The following ETFA variants were observed in gnomAD, a reference collection of about 807,000 sequenced individuals.
The protein encoded by ETFA is electron transfer flavoprotein subunit alpha, mitochondrial.
In ETFA, 22 loss-of-function variants were observed where a neutral mutation model predicts 46.2. The ratio of observed to expected loss-of-function variants is 0.48; its 90% CI spans 0.34 to 0.68. The LOEUF is 0.68. ETFA is among the 30% of genes least tolerant of loss of function. The pLI, the probability that ETFA is intolerant of heterozygous loss-of-function variation, is 0.01. For missense variants in ETFA, 345 were observed against 401.1 expected (o/e 0.86, Z 1.19); for synonymous variants, 131 against 139.9 (o/e 0.94, Z 0.45).
At chr15:76,308,593 C>A (rs941321738) in intron 1 of ETFA, among the ~76,000 whole-genome samples, 7 of 152,056 alleles carry the variant, frequency 4.6e-5, no homozygotes, top group African/African-American at 1.4e-4. Flanking sequence ...TTCAAATACA[C>A]CAATGTCATC....
chr15:76,217,052 A>G (rs544017898), intron 11 of ETFA, among the ~76,000 whole-genome samples: 3 of 151,886 alleles, frequency 2.0e-5, no homozygotes, highest in Non-Finnish European at 4.4e-5. Context: ...CCTGGGCTCA[A>G]GTGATCTGCC....
At chr15:76,219,263 G>A (rs1474250773) in intron 11 of ETFA, among the ~76,000 whole-genome samples, 3 of 152,066 alleles carry the variant, frequency 2.0e-5, no homozygotes, top group African/African-American at 7.2e-5. Flanking sequence ...TGGGACAACT[G>A]GATAATCACA....
intron 5 of ETFA, 35 bp from the exon 6 acceptor site, chr15:76,286,516 CA>C: frequency 7.5e-7 from 1 of 1,335,202 alleles, no homozygotes; most frequent in Non-Finnish European, 1.1e-6. Context: ...AAAGCAACAG[CA>C]AAAGGCAACA....
Position 76,216,501 on chromosome 15 carries a change from T to C in ETFA, c.*58A>G. ...ATGATTGTTATAATACCCACAAATA[T>C]CTGTGATTTCAGTGGAATACTTTAA... On this transcript the variant is annotated 3_prime_UTR_variant, in exon 12 of 12. Transcript: ENST00000557943. The C allele has an allele frequency of 1.0e-6, 1 of 990,736 alleles. No individual in the cohort carries two copies. The highest frequency in any genetic ancestry group is 2.4e-5 in the East Asian group (1 of 42,162). The allele number at this position is 990,736 out of a possible 1,614,324, so 61.4% of individuals were successfully genotyped here.
intron 6 of ETFA, 56 bp from the exon 7 acceptor site, chr15:76,285,794 GAATT>G (rs1567215665): frequency 1.8e-6 from 2 of 1,104,736 alleles, no homozygotes; most frequent in African/African-American, 3.1e-5. Context: ...TCTATAACAA[GAATT>G]ATTTTCAAGA....
intron 7 of ETFA, 59 bp downstream of exon 7, chr15:76,285,578 T>TAA: frequency 3.0e-5 from 25 of 834,148 alleles, no homozygotes; most frequent in East Asian, 6.4e-5. Context: ...ATACTAAAAA[T>TAA]AAAAAAAAAA....
intron 6 of ETFA, 131 bp downstream of exon 6, chr15:76,286,240 G>A (rs1409397133): frequency 3.3e-6 from 2 of 609,026 alleles, no homozygotes; most frequent in East Asian, 5.6e-5. Flanking sequence ...ATAAGCTTGG[G>A]AATATCATTT....
intron 9 of ETFA, among the ~76,000 whole-genome samples, chr15:76,248,513 T>A (rs963990609): frequency 1.3e-5 from 2 of 151,902 alleles, no homozygotes; most frequent in Non-Finnish European, 2.9e-5. Flanking sequence ...AAAAAATACA[T>A]ATCAAAAAGG....
intron 4 of ETFA, among the ~76,000 whole-genome samples, chr15:76,290,397 T>C (rs1354138902): frequency 5.2e-5 from 7 of 135,592 alleles, no homozygotes; most frequent in Non-Finnish European, 1.1e-4. Flanking sequence ...CAGGCTGGAG[T>C]GCAGCAGTGT....
chr15:76,249,112 T>C (rs1266107870), intron 9 of ETFA, among the ~76,000 whole-genome samples: 1 of 148,264 alleles, frequency 6.7e-6, no homozygotes, highest in African/African-American at 2.5e-5. Context: ...ATATATAACA[T>C]AAAATTTACC....
At chr15:76,253,185 T>G (rs2039317125) in intron 9 of ETFA, among the ~76,000 whole-genome samples, 1 of 152,188 alleles carries the variant, frequency 6.6e-6, no homozygotes, top group African/African-American at 2.4e-5. Flanking sequence ...AACTGACTAG[T>G]GTTTTCCTAT....
chr15:76,223,611 G>A (rs536465741), intron 11 of ETFA, among the ~76,000 whole-genome samples: 1 of 152,348 alleles, frequency 6.6e-6, no homozygotes, highest in South Asian at 2.1e-4. Context: ...ATCTTGGTCT[G>A]AAGTCTCTCT....
At chr15:76,276,135 A>C (rs1430229849) in intron 8 of ETFA, among the ~76,000 whole-genome samples, 3 of 152,230 alleles carry the variant, frequency 2.0e-5, no homozygotes, top group South Asian at 2.1e-4. Context: ...ATTTCTTGCA[A>C]GGTAAGTCTA....
At chr15:76,254,384 T>C (rs913277230) in intron 9 of ETFA, among the ~76,000 whole-genome samples, 16 of 152,168 alleles carry the variant, frequency 1.1e-4, no homozygotes, top group African/African-American at 3.9e-4. Flanking sequence ...CATAAGGAGA[T>C]TGAGTCTGGA....
rs1455092287 is a variant in ETFA at position 76,295,703 on chromosome 15, A to G, written c.74T>C (p.Ile25Thr). Residue 25 changes from isoleucine (I) to threonine (T), a missense_variant, in exon 2 of 12, where the codon ATA (isoleucine) becomes ACA (threonine). By Grantham distance (89) the Ile-to-Thr change is moderately conservative (BLOSUM62 -1). Transcript: ENST00000557943. ...SLLRFQSTLVIAEHANDSLAP... is the reference protein window; with the variant it reads ...SLLRFQSTLVTAEHANDSLAP... ...TAGGGAATCATTTGCATGCTCAGCT[A>G]TTACCAGGGTACTCTGAAATCGTAG... 1 of 1,612,720 alleles carries G rather than the reference A, an allele frequency of 6.2e-7. No individual in the cohort carries two copies. Among genetic ancestry groups the G allele is most frequent in the South Asian group, 1.1e-5 (1 of 91,040 alleles).
intron 2 of ETFA, among the ~76,000 whole-genome samples, chr15:76,294,757 C>T (rs900853929): frequency 1.2e-4 from 18 of 152,158 alleles, no homozygotes; most frequent in Admixed American, 1.1e-3. Flanking sequence ...CCATGTTGCC[C>T]AGGCTGGTCT....
intron 9 of ETFA, among the ~76,000 whole-genome samples, chr15:76,243,523 C>T (rs908227826): frequency 5.9e-5 from 9 of 151,754 alleles, no homozygotes; most frequent in African/African-American, 1.7e-4. Context: ...TCAGGCCAGG[C>T]GCAGTAGCTC....
intron 8 of ETFA, among the ~76,000 whole-genome samples, chr15:76,280,638 G>A (rs371852689): frequency 6.6e-6 from 1 of 152,108 alleles, no homozygotes; most frequent in South Asian, 2.1e-4. Flanking sequence ...ACCTTGAAAT[G>A]GTTCCCCATT....
intron 9 of ETFA, chr15:76,260,171 G>T: frequency 7.0e-7 from 1 of 1,437,686 alleles, no homozygotes; most frequent in Non-Finnish European, 9.8e-7. Flanking sequence ...GCTCTGGGAT[G>T]AGCACATCCT....
Sources: allele counts gnomAD v4.1 joint callset (sites outside exome capture counted in the v4.1 genomes callset), GRCh38; gene constraint gnomAD v4.1.1; transcripts MANE v1.5; gene names NCBI Gene and HGNC (gene_info 2026-07-23, HGNC 2026-07-21).